Variants in CTNNAL1 observed in about 807,000 individuals in gnomAD.
CTNNAL1 encodes the protein alpha-catulin.
Under a neutral mutation model 93.6 loss-of-function variants are expected in CTNNAL1, and 69 were observed. The ratio of observed to expected loss-of-function variants is 0.74; its 90% CI spans 0.61 to 0.90. The LOEUF (loss-of-function observed/expected upper bound fraction) is 0.90. Among genes scored for constraint, CTNNAL1 ranks in the 40% least tolerant of loss-of-function variants. The pLI is 0.00. For synonymous variants in CTNNAL1, 286 were observed against 305.4 expected, an observed-to-expected ratio of 0.94 and a Z score of 0.66; for missense variants, 836 against 862.0, an observed-to-expected ratio of 0.97 and a Z score of 0.38.
chr9:108,980,604 T>C (rs975661352), intron 6 of CTNNAL1, among the ~76,000 whole-genome samples: 2 of 152,264 alleles, frequency 1.3e-5, no homozygotes, highest in African/African-American at 4.8e-5. Context: ...CCAAGTTGTG[T>C]CAGGTGATCA....
chr9:109,004,786 G>GAAAA (rs200653091), intron 1 of CTNNAL1, among the ~76,000 whole-genome samples: 6 of 151,094 alleles, frequency 4.0e-5, no homozygotes, highest in African/African-American at 9.7e-5. Flanking sequence ...ACTCTGTCTT[G>GAAAA]AAAAAAATAA....
chr9:108,954,351 A>G (rs919626882), intron 12 of CTNNAL1, among the ~76,000 whole-genome samples: 7 of 152,244 alleles, frequency 4.6e-5, no homozygotes, highest in Non-Finnish European at 1.0e-4. Flanking sequence ...AAAATGGTTC[A>G]TGACTCTGAA....
chr9:108,944,876 G>A (rs1830356156), intron 15 of CTNNAL1, among the ~76,000 whole-genome samples: 1 of 152,098 alleles, frequency 6.6e-6, no homozygotes. Context: ...TGCTATCACT[G>A]GATAAAATGA....
intron 8 of CTNNAL1, 31 bp from the exon 9 acceptor site, chr9:108,972,864 G>GGGGGGGTCCCCC: frequency 7.0e-6 from 1 of 142,588 alleles, no homozygotes; most frequent in Non-Finnish European, 1.0e-5. Flanking sequence ...GGGGGGGTGG[G>GGGGGGGTCCCCC]AGGGTGGAGA....
At chr9:108,987,813 G>C (rs1831662466) in intron 4 of CTNNAL1, among the ~76,000 whole-genome samples, 1 of 152,158 alleles carries the variant, frequency 6.6e-6, no homozygotes, top group Non-Finnish European at 1.5e-5. Context: ...GTTCACTCAT[G>C]ATTTGGCTCT....
intron 1 of CTNNAL1, among the ~76,000 whole-genome samples, chr9:109,008,114 C>G (rs890224078): frequency 6.7e-6 from 1 of 148,398 alleles, no homozygotes; most frequent in Non-Finnish European, 1.5e-5. Flanking sequence ...TTTGGGCCAT[C>G]AGAAGTAAAA....
intron 11 of CTNNAL1, among the ~76,000 whole-genome samples, chr9:108,963,204 G>C (rs1830863503): frequency 6.6e-6 from 1 of 152,176 alleles, no homozygotes; most frequent in Non-Finnish European, 1.5e-5. Flanking sequence ...TTTCTTGAGA[G>C]GGGGGAAAAG....
intron 14 of CTNNAL1, chr9:108,950,657 C>T (rs747751359): frequency 2.8e-5 from 42 of 1,517,002 alleles, no homozygotes; most frequent in Non-Finnish European, 3.6e-5. Flanking sequence ...TGCTGCCTCA[C>T]CTATCCCATC....
At chr9:108,948,714 A>G (rs1248616885) in intron 14 of CTNNAL1, among the ~76,000 whole-genome samples, 2 of 152,254 alleles carry the variant, frequency 1.3e-5, no homozygotes, top group Non-Finnish European at 2.9e-5. Flanking sequence ...TAAAGCAATC[A>G]TAATAATACT....
Position 108,970,387 on chromosome 9 carries a change from C to G in CTNNAL1, c.1440+15G>C. 4 of 1,600,746 alleles carry G rather than the reference C, an allele frequency of 2.5e-6. No individual in the cohort carries two copies. The highest frequency in any genetic ancestry group is 3.4e-6 in the Non-Finnish European group (4 of 1,174,742). On this transcript the variant is annotated intron_variant, in intron 10 of 18. Transcript: ENST00000325551. ...TAGGACACAATACAGAAGGAGCAAT[C>G]TGCTATTATCATACCTGTTGGCCAG...
At chr9:109,001,763 C>T (rs1407881284) in intron 1 of CTNNAL1, among the ~76,000 whole-genome samples, 1 of 152,208 alleles carries the variant, frequency 6.6e-6, no homozygotes, top group African/African-American at 2.4e-5. Flanking sequence ...TTACTGCAGG[C>T]TTGGTCAATC....
At chr9:108,990,434 T>TA (rs1430192679) in intron 4 of CTNNAL1, among the ~76,000 whole-genome samples, 2 of 152,148 alleles carry the variant, frequency 1.3e-5, no homozygotes, top group Non-Finnish European at 2.9e-5. Context: ...GAAAGCTTCA[T>TA]AAAAGAGAAA....
chr9:108,952,163 G>T, intron 14 of CTNNAL1, 46 bp downstream of exon 14: 1 of 1,496,928 alleles, frequency 6.7e-7, no homozygotes, highest in Non-Finnish European at 9.0e-7. Context: ...CTTTACACCA[G>T]ATATCATTAT....
intron 14 of CTNNAL1, among the ~76,000 whole-genome samples, chr9:108,950,131 T>C (rs1407902087): frequency 6.6e-6 from 1 of 152,206 alleles, no homozygotes; most frequent in Non-Finnish European, 1.5e-5. Flanking sequence ...CAAGTCTTAT[T>C]AGTCAAAAAC....
intron 1 of CTNNAL1, among the ~76,000 whole-genome samples, chr9:109,008,592 C>G (rs1379799494): frequency 2.0e-5 from 3 of 152,268 alleles, no homozygotes; most frequent in African/African-American, 7.2e-5. Flanking sequence ...ACGGATATTG[C>G]TACCATCTCC....
intron 14 of CTNNAL1, among the ~76,000 whole-genome samples, chr9:108,949,933 A>G (rs1426521137): frequency 6.6e-6 from 1 of 151,282 alleles, no homozygotes; most frequent in African/African-American, 2.4e-5. Context: ...CTAAGGCATG[A>G]GAATTGCTTG....
intron 9 of CTNNAL1, among the ~76,000 whole-genome samples, chr9:108,971,003 G>A (rs546846220): frequency 3.0e-4 from 45 of 152,126 alleles, no homozygotes; most frequent in African/African-American, 1.0e-3. Context: ...AAATCTTGAC[G>A]CTTAAAACAG....
At chr9:108,944,056 G>A in intron 15 of CTNNAL1, 38 bp from the exon 16 acceptor site, 1 of 1,533,958 alleles carries the variant, frequency 6.5e-7, no homozygotes, top group African/African-American at 1.4e-5. Flanking sequence ...TTAGACTGAT[G>A]TCTATGGATA....
chr9:108,945,712 T>A (rs1433415538), intron 15 of CTNNAL1, among the ~76,000 whole-genome samples: 1 of 151,762 alleles, frequency 6.6e-6, no homozygotes, highest in African/African-American at 2.4e-5. Flanking sequence ...TGGACTCAAG[T>A]GATCCTCCCA....
Sources: gnomAD v4.1 joint callset for allele counts (sites outside exome capture counted in the v4.1 genomes callset) on GRCh38, gnomAD v4.1.1 for gene constraint, MANE v1.5 for transcripts, NCBI Gene and HGNC (gene_info 2026-07-23, HGNC 2026-07-21) for gene names.